The following C5orf15 variants were observed in gnomAD, a reference collection of about 807,000 sequenced individuals.
C5orf15 encodes keratinocyte-associated transmembrane protein 2.
C5orf15 carries 10 observed loss-of-function variants against 17.8 expected under a neutral mutation model. The observed-to-expected ratio is 0.56, with a 90% CI of 0.35 to 0.95. C5orf15 has a LOEUF of 0.95. C5orf15 is among the 40% of genes least tolerant of loss of function. The pLI, the probability that C5orf15 is intolerant of heterozygous loss-of-function variation, is 0.02. For missense variants in C5orf15, 319 were observed against 331.7 expected (o/e 0.96, Z 0.30); for synonymous variants, 124 against 131.0 (o/e 0.95, Z 0.36).
chr5:133,963,851 G>A (rs1373458207), intron 1 of C5orf15, among the ~76,000 whole-genome samples: 4 of 152,114 alleles, frequency 2.6e-5, no homozygotes, highest in Admixed American at 1.3e-4. Context: ...CCAAAAACTG[G>A]AAACAATCAG....
Position 133,956,897 on chromosome 5 carries a change from T to C in C5orf15, c.760A>G (p.Met254Val), listed in dbSNP as rs766514661. ...HRLDQNVNEA[M>V]PSLKITNDYI... ...TCATTGGTAATCTTCAAAGAAGGCA[T>C]TGCCTCATTAACATTCTGATCTAGG... Residue 254 changes from methionine (M) to valine (V), a missense_variant, in exon 3 of 3, where the codon ATG becomes GTG. Met to Val is a conservative substitution (Grantham distance 21, BLOSUM62 1). Transcript: ENST00000231512. 8 of 1,606,134 alleles carry C rather than the reference T, an allele frequency of 5.0e-6. 1 individual carries two copies. The East Asian group carries it at 1.3e-4, about 27-fold the overall frequency.
At chr5:133,964,959 C>T (rs1344349063) in intron 1 of C5orf15, among the ~76,000 whole-genome samples, 1 of 152,194 alleles carries the variant, frequency 6.6e-6, no homozygotes, top group African/African-American at 2.4e-5. Context: ...TCTGTCAAAA[C>T]TTAAATCAAA....
At chr5:133,959,216 T>TA (rs1288312925) in intron 2 of C5orf15, among the ~76,000 whole-genome samples, 2 of 151,900 alleles carry the variant, frequency 1.3e-5, no homozygotes, top group Non-Finnish European at 2.9e-5. Flanking sequence ...CAATAATTTT[T>TA]AAAATTTTAA....
chr5:133,959,677 G>A lies in C5orf15; in HGVS notation c.483C>T (p.Asp161=), dbSNP rs373965374. 1.4e-5 allele frequency: 22 copies of A among 1,613,220 alleles called. No homozygotes were observed. In the Middle Eastern group the frequency reaches 5.0e-4, roughly 36 times the overall value. ...CCAAGGTGTCATCAGACTCGTCGTC[G>A]TCCCTGGGGCCCGTGGTCCAGTCAT... is the stretch of plus-strand genomic sequence containing the variant. ...PDYDWTTGPR[D]DDESDDTLEE... Residue 161 remains aspartate (D), a synonymous_variant, in exon 2 of 3, where the codon GAC becomes GAT. Transcript: ENST00000231512.
rs756372436 is a variant in C5orf15, at chr5:133,955,702, G to A, written c.*1157C>T. On this transcript the variant is annotated 3_prime_UTR_variant, in exon 3 of 3. Transcript: ENST00000231512. ...GCCTTCTTCCAGCTCTACATAAAGC[G>A]CAAGCCCACTGGCTCACCCGGGTCC... is the stretch of plus-strand genomic sequence containing the variant. 20 of 152,584 alleles carry A rather than the reference G, an allele frequency of 1.3e-4. No individual in the cohort carries two copies. Among genetic ancestry groups the A allele is most frequent in the African/African-American group, 4.6e-4 (19 of 41,428 alleles). 9.5% of individuals were successfully genotyped at this position (152,584 alleles called of 1,614,324 possible).
chr5:133,962,761 T>G (rs1752142697), intron 1 of C5orf15, among the ~76,000 whole-genome samples: 1 of 152,188 alleles, frequency 6.6e-6, no homozygotes. Flanking sequence ...CCTCCTATCC[T>G]TCCAGTTCAT....
intron 1 of C5orf15, among the ~76,000 whole-genome samples, chr5:133,967,155 G>C (rs1296676646): frequency 6.6e-6 from 1 of 152,178 alleles, no homozygotes; most frequent in Non-Finnish European, 1.5e-5. Flanking sequence ...AGCTACTTAA[G>C]TACTTTAGGA....
At position 133,968,595 on chromosome 5, in the gene C5orf15, G is replaced by GC. The variant is rs1752232683; in HGVS notation, c.-12dup. Reference sequence around the variant, plus strand: ...GACGGCAGCGGCCATAACGGACTCGGCTGGGAGCCTGCGCTGTTGCTAGGC... The same window carrying GC: ...GACGGCAGCGGCCATAACGGACTCGGCCTGGGAGCCTGCGCTGTTGCTAGGC... On this transcript the variant is annotated 5_prime_UTR_variant, in exon 1 of 3. Transcript: ENST00000231512. 2 of 1,601,892 alleles carry GC rather than the reference G, an allele frequency of 1.2e-6. No individual in the cohort carries two copies. Among genetic ancestry groups the GC allele is most frequent in the Non-Finnish European group, 1.7e-6 (2 of 1,174,868 alleles).
chr5:133,958,876 G>T (rs1752076745), intron 2 of C5orf15, among the ~76,000 whole-genome samples: 1 of 151,872 alleles, frequency 6.6e-6, no homozygotes, highest in Non-Finnish European at 1.5e-5. Flanking sequence ...CTGAAGTAAT[G>T]ATGCCAAATT....
At chr5:133,964,198 C>G (rs189442579) in intron 1 of C5orf15, among the ~76,000 whole-genome samples, 1 of 151,978 alleles carries the variant, frequency 6.6e-6, no homozygotes, top group Non-Finnish European at 1.5e-5. Flanking sequence ...GCCTGGAGTG[C>G]AAGACTTACT....
chr5:133,968,502 C>T lies in C5orf15; in HGVS notation c.83G>A (p.Gly28Glu). 12 of 1,606,998 alleles carry T rather than the reference C, an allele frequency of 7.5e-6. No homozygotes were observed. The highest frequency in any genetic ancestry group is 2.2e-5 in the East Asian group (1 of 44,696). The change falls in exon 1 of 3, where the codon GGG becomes GAG. Residue 28 changes from glycine to glutamate, a missense_variant. Around this residue, in one of 3 missense-constraint regions of C5orf15, gnomAD observed 127 missense variants for 95.6 expected, o/e 1.33. Coordinates refer to ENST00000231512, the MANE Select transcript of C5orf15 (RefSeq NM_020199.3). Reference sequence around the variant, plus strand: ...CGCCAAGACCAGCGGCCGCGCCAACCCCACAAGGGCTTGGATGGCCGACCC... The same window carrying T: ...CGCCAAGACCAGCGGCCGCGCCAACTCCACAAGGGCTTGGATGGCCGACCC... ...LPGSAIQALVGLARPLVLALL... is the reference protein window; with the variant it reads ...LPGSAIQALVELARPLVLALL...
chr5:133,959,478 A>C lies in C5orf15; in HGVS notation c.666+16T>G. ...ATGACTGAAATAATAAAGGGCTAAAAAAATCCCAAACCTACCTTCCTTTTG... is the reference window on the plus strand; with the variant it reads ...ATGACTGAAATAATAAAGGGCTAAACAAATCCCAAACCTACCTTCCTTTTG... On this transcript the variant is annotated intron_variant, in intron 2 of 2. Transcript: ENST00000231512. 1 of 1,466,818 alleles carries C rather than the reference A, an allele frequency of 6.8e-7. No homozygotes were observed. Among genetic ancestry groups the C allele is most frequent in the Non-Finnish European group, 9.0e-7 (1 of 1,106,604 alleles). The allele number at this position is 1,466,818 out of a possible 1,614,324, so 90.9% of individuals were successfully genotyped here.
intron 1 of C5orf15, among the ~76,000 whole-genome samples, chr5:133,960,499 T>C (rs1752108497): frequency 6.6e-6 from 1 of 151,984 alleles, no homozygotes; most frequent in South Asian, 2.1e-4. Context: ...CAACACAACA[T>C]AACAAATTCA....
chr5:133,968,467 C>A lies in C5orf15; in HGVS notation c.118G>T (p.Val40Leu), dbSNP rs1561576384. ...ARPLVLALLL[V>L]SAALSSVVSR... ...TTACCACTGGATAGAGCGGCGGACACAAGCAGGAGCGCCAAGACCAGCGGC... is the reference window on the plus strand; with the variant it reads ...TTACCACTGGATAGAGCGGCGGACAAAAGCAGGAGCGCCAAGACCAGCGGC... The change falls in exon 1 of 3, where the codon GTG becomes TTG. Residue 40 changes from valine to leucine, a missense_variant. By Grantham distance (32) the Val-to-Leu change is conservative (BLOSUM62 1). Transcript: ENST00000231512. 1.2e-6 allele frequency: 2 copies of A among 1,604,394 alleles called. No homozygotes were observed.
intron 2 of C5orf15, among the ~76,000 whole-genome samples, chr5:133,958,263 A>G (rs1204970849): frequency 6.6e-6 from 1 of 152,062 alleles, no homozygotes; most frequent in Non-Finnish European, 1.5e-5. Context: ...GAAAATGCTC[A>G]TGATTGGTCA....
Position 133,959,639 on chromosome 5 carries a change from C to G in C5orf15, c.521G>C (p.Gly174Ala), listed in dbSNP as rs145850041. 2.5e-6 allele frequency: 4 copies of G among 1,613,526 alleles called. No homozygotes were observed. In the African/African-American group the frequency reaches 5.3e-5, roughly 22 times the overall value. Residue 174 changes from glycine to alanine, a missense_variant, in exon 2 of 3, where the codon GGT (glycine) becomes GCT (alanine). Coordinates refer to ENST00000231512, the MANE Select transcript of C5orf15 (RefSeq NM_020199.3). ...CACTGACTGTTCAATTTCCATGTAA[C>G]CCCTGTTTTCTTCCAAGGTGTCATC... ...ESDDTLEENR[G>A]YMEIEQSVKS...
intron 2 of C5orf15, among the ~76,000 whole-genome samples, chr5:133,958,736 T>G (rs1246427273): frequency 6.6e-6 from 1 of 152,112 alleles, no homozygotes; most frequent in Non-Finnish European, 1.5e-5. Flanking sequence ...TCTAAACTCT[T>G]CTGTTTTCTG....
chr5:133,966,877 C>G (rs965529483), intron 1 of C5orf15, among the ~76,000 whole-genome samples: 1 of 152,102 alleles, frequency 6.6e-6, no homozygotes, highest in African/African-American at 2.4e-5. Context: ...TATGTAAAGA[C>G]TTAATTTAAA....
intron 2 of C5orf15, among the ~76,000 whole-genome samples, chr5:133,957,390 T>G (rs1453131858): frequency 6.6e-6 from 1 of 152,078 alleles, no homozygotes; most frequent in African/African-American, 2.4e-5. Context: ...AAAGCTATTT[T>G]GCTTTCCATC....
Sources: allele counts gnomAD v4.1 joint callset (sites outside exome capture counted in the v4.1 genomes callset), GRCh38; gene constraint gnomAD v4.1.1; regional missense constraint gnomAD v4.1.1; transcripts MANE v1.5; gene names NCBI Gene and HGNC (gene_info 2026-07-23, HGNC 2026-07-21).